Variants in BACH2 observed in about 807,000 individuals in gnomAD.
The protein encoded by BACH2 is BACH transcriptional regulator 2.
BACH2 carries 5 observed loss-of-function variants against 61.8 expected under a neutral mutation model. The ratio of observed to expected loss-of-function variants is 0.08; its 90% CI spans 0.04 to 0.17. The LOEUF is 0.17. Ranked by LOEUF, BACH2 falls within the 10% of genes least tolerant of loss-of-function variation. The pLI, the probability that BACH2 is intolerant of heterozygous loss-of-function variation, is 1.00. For missense variants in BACH2, 824 were observed against 1,091.1 expected, an observed-to-expected ratio of 0.76 and a Z score of 3.45; for synonymous variants, 446 against 440.1, an observed-to-expected ratio of 1.01 and a Z score of -0.17.
chr6:90,064,759 A>C (rs1435941825), intron 5 of BACH2, among the ~76,000 whole-genome samples: 1 of 152,190 alleles, frequency 6.6e-6, no homozygotes, highest in Non-Finnish European at 1.5e-5. Flanking sequence ...AATGGATAGA[A>C]AGGATGCACT....
At chr6:90,054,083 C>T (rs141293377) in intron 5 of BACH2, among the ~76,000 whole-genome samples, 5,436 of 152,168 alleles carry the variant, frequency 0.036, 222 homozygotes, top group African/African-American at 0.099. Context: ...ACTGAGGTAC[C>T]GGGTTCATCT....
At chr6:90,168,596 G>T (rs1369014646) in intron 4 of BACH2, among the ~76,000 whole-genome samples, 1 of 152,080 alleles carries the variant, frequency 6.6e-6, no homozygotes, top group East Asian at 1.9e-4. Context: ...AGCCCTTAGA[G>T]TCTCAGTAAT....
chr6:90,212,043 A>G (rs957565658), intron 3 of BACH2, among the ~76,000 whole-genome samples: 1 of 152,194 alleles, frequency 6.6e-6, no homozygotes, highest in Non-Finnish European at 1.5e-5. Flanking sequence ...CTAGAAAAAA[A>G]TGCTCTTGCA....
chr6:90,000,161 C>G (rs1203114532), intron 6 of BACH2, among the ~76,000 whole-genome samples: 1 of 152,178 alleles, frequency 6.6e-6, no homozygotes, highest in African/African-American at 2.4e-5. Flanking sequence ...TGTATCAGCA[C>G]CACAGCCTCC....
At chr6:90,024,808 A>G (rs1218010568) in intron 5 of BACH2, among the ~76,000 whole-genome samples, 1 of 152,212 alleles carries the variant, frequency 6.6e-6, no homozygotes, top group Non-Finnish European at 1.5e-5. Context: ...AGTCAACCCA[A>G]AGGATGAATC....
chr6:90,135,227 G>A (rs1784230747), intron 4 of BACH2, among the ~76,000 whole-genome samples: 1 of 152,112 alleles, frequency 6.6e-6, no homozygotes, highest in African/African-American at 2.4e-5. Context: ...TCCTGACACA[G>A]CCAACTAAAA....
At chr6:90,073,436 C>T (rs1781331312) in intron 5 of BACH2, among the ~76,000 whole-genome samples, 1 of 152,200 alleles carries the variant, frequency 6.6e-6, no homozygotes, top group Non-Finnish European at 1.5e-5. Context: ...TTTCTGTCAA[C>T]AGAGATCGAG....
intron 5 of BACH2, among the ~76,000 whole-genome samples, chr6:90,020,530 C>A (rs1778315685): frequency 6.6e-6 from 1 of 151,142 alleles, no homozygotes; most frequent in East Asian, 1.9e-4. Flanking sequence ...AGCAAGAAGG[C>A]CCTCACCAGA....
At chr6:89,947,690 T>G (rs569781771) in intron 7 of BACH2, among the ~76,000 whole-genome samples, 1 of 151,870 alleles carries the variant, frequency 6.6e-6, no homozygotes, top group East Asian at 1.9e-4. Context: ...CTCAGCCTCC[T>G]GAGTAGCTGG....
At chr6:90,263,983 T>C (rs1301551761) in intron 2 of BACH2, among the ~76,000 whole-genome samples, 1 of 152,296 alleles carries the variant, frequency 6.6e-6, no homozygotes, top group East Asian at 1.9e-4. Context: ...GCCAAAACAC[T>C]GACTTCAGAG....
Position 89,950,913 on chromosome 6 carries a change from C to A in BACH2, c.1193G>T (p.Gly398Val). The A allele has an allele frequency of 1.3e-6, 2 of 1,590,384 alleles. No homozygotes were observed. Among genetic ancestry groups the A allele is most frequent in the South Asian group, 1.2e-5 (1 of 86,508 alleles). The change falls in exon 7 of 9, where the codon GGC (glycine) becomes GTC (valine). Residue 398 changes from glycine to valine, a missense_variant. Around this residue, in one of 8 missense-constraint regions of BACH2, gnomAD observed 226 missense variants for 228.5 expected, o/e 0.99. Transcript: ENST00000257749. This position sits in a 1 kb window ranked among gnomAD's most constrained non-coding sequence, Gnocchi z 5.3. ...GGTGAAGTTGGACACCTCCTTCTGG[C>A]CCACGTGGGGCTGTCCATAATTCCC... Reference protein sequence around the residue: ...FTGNYGQPHVGQKEVSNFTMG... With the variant: ...FTGNYGQPHVVQKEVSNFTMG...
intron 2 of BACH2, among the ~76,000 whole-genome samples, chr6:90,254,552 A>G (rs1562528063): frequency 6.6e-6 from 1 of 152,014 alleles, no homozygotes. Flanking sequence ...ATCACACACA[A>G]TATGTTTGGC....
intron 5 of BACH2, chr6:90,080,878 T>C (rs1781695777): frequency 1.5e-6 from 1 of 657,240 alleles, no homozygotes; most frequent in Non-Finnish European, 1.9e-6. Flanking sequence ...TCTGATGAGA[T>C]GTCTCAGAAA....
At chr6:89,946,717 A>G (rs1382347454) in intron 7 of BACH2, among the ~76,000 whole-genome samples, 3 of 152,226 alleles carry the variant, frequency 2.0e-5, no homozygotes, top group Admixed American at 1.3e-4. Context: ...TGCCATTAAA[A>G]TAAAACCCAA....
At chr6:90,002,700 G>A (rs909716222) in intron 6 of BACH2, among the ~76,000 whole-genome samples, 1 of 152,180 alleles carries the variant, frequency 6.6e-6, no homozygotes, top group South Asian at 2.1e-4. Context: ...AACCTGGGAG[G>A]TGGAGGTGGC....
intron 5 of BACH2, among the ~76,000 whole-genome samples, chr6:90,051,053 T>G (rs1351095741): frequency 6.6e-6 from 1 of 152,118 alleles, no homozygotes. Flanking sequence ...ATTACAGGCT[T>G]TTACAGGCTG....
At chr6:89,939,900 C>T (rs1411581579) in intron 7 of BACH2, among the ~76,000 whole-genome samples, 1 of 143,592 alleles carries the variant, frequency 7.0e-6, no homozygotes, top group Non-Finnish European at 1.5e-5. Context: ...TGAAGTCTCA[C>T]AATGTTGCCC....
At position 90,080,180 on chromosome 6, in the gene BACH2, A is replaced by C. The variant is rs371319004; in HGVS notation, c.-13+8781T>G. Among the ~76,000 whole-genome samples the C allele has an allele frequency of 3.3e-5, 5 of 152,288 alleles. No individual in the cohort carries two copies. In the East Asian group the frequency reaches 9.6e-4, roughly 29 times the overall value. On this transcript the variant is annotated intron_variant, in intron 5 of 8. Transcript: ENST00000257749. Reference sequence around the variant, plus strand: ...ATGATGGTATTTTAAAAGTTCTTCAAATTAACAAAAGTGATATCAGAAATA... The same window carrying C: ...ATGATGGTATTTTAAAAGTTCTTCACATTAACAAAAGTGATATCAGAAATA...
At chr6:90,185,142 G>A (rs1308643286) in intron 4 of BACH2, among the ~76,000 whole-genome samples, 1 of 152,172 alleles carries the variant, frequency 6.6e-6, no homozygotes, top group Non-Finnish European at 1.5e-5. Context: ...AAGTCAATGG[G>A]GGGAGACAGA....
Sources: gnomAD v4.1 joint callset for allele counts (sites outside exome capture counted in the v4.1 genomes callset) on GRCh38, gnomAD v4.1.1 for gene constraint, gnomAD v4.1.1 regional missense constraint, Gnocchi (gnomAD v3.1) non-coding constraint, MANE v1.5 for transcripts, NCBI Gene and HGNC (gene_info 2026-07-23, HGNC 2026-07-21) for gene names.